ARB2A: variants seen among roughly 807,000 people sequenced by gnomAD.
The protein encoded by ARB2A is ARB2 cotranscriptional regulator A.
chr5:93,744,118 G>GTTTATTATATTTAAAC, the ARB2A span, among the ~76,000 whole-genome samples: 9 of 152,164 alleles, frequency 5.9e-5, no homozygotes, highest in African/African-American at 2.2e-4. Flanking sequence ...TTAAAACACA[G>GTTTATTATATTTAAAC]TGGCTAAAAA....
At chr5:94,110,604 TCTACATTCG>T in the ARB2A span, among the ~76,000 whole-genome samples, 2 of 152,236 alleles carry the variant, frequency 1.3e-5, no homozygotes, top group Non-Finnish European at 2.9e-5. Context: ...TTACTCAGTT[TCTACATTCG>T]CTAAATGTAT....
the ARB2A span, among the ~76,000 whole-genome samples, chr5:93,767,624 A>G: frequency 1.8e-4 from 27 of 152,222 alleles, 1 homozygote; most frequent in Admixed American, 1.7e-3. Context: ...ACCAACCCAA[A>G]TGCCCATAAA....
the ARB2A span, among the ~76,000 whole-genome samples, chr5:93,902,715 A>G: frequency 1.3e-5 from 2 of 152,128 alleles, no homozygotes; most frequent in Non-Finnish European, 2.9e-5. Flanking sequence ...TTTCTTTTAG[A>G]TGTGGCTCAT....
chr5:94,047,470 G>T, the ARB2A span, among the ~76,000 whole-genome samples: 1 of 148,634 alleles, frequency 6.7e-6, no homozygotes, highest in African/African-American at 2.5e-5. Flanking sequence ...TGGCGCCTGG[G>T]TGACAGAGTG....
the ARB2A span, among the ~76,000 whole-genome samples, chr5:93,821,343 A>C: frequency 6.6e-6 from 1 of 152,122 alleles, no homozygotes; most frequent in South Asian, 2.1e-4. Flanking sequence ...TGTCATCTTT[A>C]ATCAAAAGTA....
the ARB2A span, among the ~76,000 whole-genome samples, chr5:93,718,024 G>A: frequency 6.6e-6 from 1 of 151,580 alleles, no homozygotes. Context: ...TAGTAGAGAC[G>A]GGGTTTCACC....
the ARB2A span, among the ~76,000 whole-genome samples, chr5:93,903,098 A>G: frequency 6.6e-6 from 1 of 152,090 alleles, no homozygotes; most frequent in African/African-American, 2.4e-5. Flanking sequence ...GTTATGTCCA[A>G]AGCACCTCCT....
At chr5:94,064,794 G>A in the ARB2A span, among the ~76,000 whole-genome samples, 3 of 152,276 alleles carry the variant, frequency 2.0e-5, no homozygotes, top group South Asian at 6.2e-4. Flanking sequence ...AGCAAAAACA[G>A]AGAATTCATC....
chr5:93,942,947 T>C, the ARB2A span, among the ~76,000 whole-genome samples: 1 of 152,082 alleles, frequency 6.6e-6, no homozygotes, highest in Non-Finnish European at 1.5e-5. Flanking sequence ...AACACACATA[T>C]ATACACATAC....
At chr5:93,829,376 C>A in the ARB2A span, among the ~76,000 whole-genome samples, 1 of 152,214 alleles carries the variant, frequency 6.6e-6, no homozygotes, top group African/African-American at 2.4e-5. Context: ...CTTCCCATAC[C>A]ACCTTCTACT....
At chr5:94,061,541 G>C in the ARB2A span, among the ~76,000 whole-genome samples, 1 of 152,124 alleles carries the variant, frequency 6.6e-6, no homozygotes, top group African/African-American at 2.4e-5. Context: ...TGTCTACGTA[G>C]AAAATCCTAA....
chr5:94,090,951 T>C, the ARB2A span, among the ~76,000 whole-genome samples: 3 of 152,180 alleles, frequency 2.0e-5, no homozygotes, highest in Non-Finnish European at 4.4e-5. Flanking sequence ...AGGCGCTTCC[T>C]TTGGATTTAT....
chr5:93,993,285 G>A, the ARB2A span, among the ~76,000 whole-genome samples: 4 of 152,034 alleles, frequency 2.6e-5, no homozygotes, highest in African/African-American at 7.2e-5. Context: ...CAGAGAGACA[G>A]CTGTTTTTTT....
chr5:93,997,917 CAAAGT>C, the ARB2A span, among the ~76,000 whole-genome samples: 3 of 151,746 alleles, frequency 2.0e-5, no homozygotes, highest in African/African-American at 7.3e-5. Flanking sequence ...TACCACAAAA[CAAAGT>C]AATCAGAATC....
the ARB2A span, among the ~76,000 whole-genome samples, chr5:93,841,197 C>T: frequency 6.6e-6 from 1 of 152,162 alleles, no homozygotes; most frequent in African/African-American, 2.4e-5. Flanking sequence ...AAACAGTCAA[C>T]TCTCCTTATC....
the ARB2A span, among the ~76,000 whole-genome samples, chr5:94,000,481 A>G: frequency 3.3e-5 from 5 of 151,990 alleles, no homozygotes; most frequent in Admixed American, 3.3e-4. Flanking sequence ...GTGTCTGTTG[A>G]CATCTTTGGC....
the ARB2A span, among the ~76,000 whole-genome samples, chr5:93,779,831 A>T: frequency 1.1e-3 from 173 of 152,166 alleles, 1 homozygote; most frequent in African/African-American, 4.1e-3. Context: ...GTGGTTGTAA[A>T]TTTTCCTTTT....
the ARB2A span, among the ~76,000 whole-genome samples, chr5:93,842,464 G>A: frequency 6.6e-6 from 1 of 152,114 alleles, no homozygotes; most frequent in Non-Finnish European, 1.5e-5. Context: ...TTCAAGATCC[G>A]TATCTGAGTG....
the ARB2A span, among the ~76,000 whole-genome samples, chr5:94,066,517 C>T: frequency 1.3e-5 from 2 of 150,072 alleles, no homozygotes; most frequent in African/African-American, 2.5e-5. Flanking sequence ...GGAATCAATA[C>T]AATTACCACA....
Sources: allele counts gnomAD v4.1 joint callset (sites outside exome capture counted in the v4.1 genomes callset), GRCh38; gene constraint gnomAD v4.1.1; transcripts MANE v1.5; gene names NCBI Gene and HGNC (gene_info 2026-07-23, HGNC 2026-07-21).